Variants in TMTC2 observed in about 807,000 individuals in gnomAD.
The protein encoded by TMTC2 is transmembrane O-mannosyltransferase targeting cadherins 2.
A neutral mutation model predicts 82.4 loss-of-function variants in TMTC2; 43 were observed. The observed-to-expected ratio is 0.52, with a 90% CI of 0.41 to 0.67. TMTC2 has a LOEUF of 0.67. Ranked by LOEUF, TMTC2 falls within the 30% of genes least tolerant of loss-of-function variation. The pLI is 0.00. For missense variants in TMTC2, 919 were observed against 1,012.4 expected, an observed-to-expected ratio of 0.91 and a Z score of 1.25; for synonymous variants, 408 against 381.9, an observed-to-expected ratio of 1.07 and a Z score of -0.80.
chr12:82,730,043 A>T (rs1253059166), intron 1 of TMTC2, among the ~76,000 whole-genome samples: 3 of 152,152 alleles, frequency 2.0e-5, no homozygotes, highest in Non-Finnish European at 2.9e-5. Flanking sequence ...ATATCTGAAC[A>T]TCAGAAGGAA....
At chr12:83,106,719 A>G (rs997088632) in intron 11 of TMTC2, among the ~76,000 whole-genome samples, 8 of 152,222 alleles carry the variant, frequency 5.3e-5, no homozygotes, top group African/African-American at 1.9e-4. Flanking sequence ...CAACAGTGAA[A>G]GATAGAAGAC....
At chr12:82,749,884 T>C (rs1439987383) in intron 1 of TMTC2, among the ~76,000 whole-genome samples, 1 of 151,940 alleles carries the variant, frequency 6.6e-6, no homozygotes, top group Non-Finnish European at 1.5e-5. Context: ...ATTACAGGCA[T>C]GCACCACCAC....
intron 8 of TMTC2, among the ~76,000 whole-genome samples, chr12:83,022,404 C>A (rs963688398): frequency 7.6e-6 from 1 of 130,850 alleles, no homozygotes; most frequent in Non-Finnish European, 1.6e-5. Context: ...CTCTCTTCCG[C>A]ATTATTTTTC....
chr12:82,728,347 GT>G (rs201947047), intron 1 of TMTC2, among the ~76,000 whole-genome samples: 9 of 151,126 alleles, frequency 6.0e-5, no homozygotes, highest in African/African-American at 9.7e-5. Context: ...TTATAAAAAG[GT>G]TTTTTTTTGT....
chr12:82,793,367 T>G (rs1262735389), intron 1 of TMTC2, among the ~76,000 whole-genome samples: 3 of 138,972 alleles, frequency 2.2e-5, no homozygotes, highest in African/African-American at 5.1e-5. Context: ...CAGTCTTTTT[T>G]CTTTTTTTTT....
At chr12:82,943,727 A>T (rs1796164) in intron 4 of TMTC2, among the ~76,000 whole-genome samples, 75 of 152,350 alleles carry the variant, frequency 4.9e-4, no homozygotes, top group Middle Eastern at 3.4e-3. Context: ...TCTTTTGAGT[A>T]TATTTATAAA....
At chr12:82,736,913 T>G (rs1009820583) in intron 1 of TMTC2, among the ~76,000 whole-genome samples, 9 of 152,204 alleles carry the variant, frequency 5.9e-5, no homozygotes, top group Non-Finnish European at 1.3e-4. Context: ...TTAATCCTTT[T>G]CTTCTGCCTT....
At chr12:83,122,302 C>T (rs1165256937) in intron 11 of TMTC2, among the ~76,000 whole-genome samples, 2 of 151,294 alleles carry the variant, frequency 1.3e-5, no homozygotes, top group East Asian at 3.9e-4. Context: ...GGAGTCTGCA[C>T]ACTAGATTCA....
intron 2 of TMTC2, 109 bp from the exon 3 acceptor site, chr12:82,895,709 C>A: frequency 1.0e-6 from 1 of 968,926 alleles, no homozygotes; most frequent in Non-Finnish European, 1.5e-6. Context: ...AGACATCATG[C>A]TGTGTTTTTA....
In TMTC2 at chr12:82,949,022, C is replaced by A. The variant is rs570083291; in HGVS notation, c.1599-16002C>A. Among the ~76,000 whole-genome samples the A allele has an allele frequency of 4.6e-5, 7 of 152,284 alleles. No homozygotes were observed. The South Asian group carries it at 1.4e-3, about 32-fold the overall frequency. On this transcript the variant is annotated intron_variant, in intron 4 of 11. Transcript: ENST00000321196. Reference sequence around the variant, plus strand: ...TTTATCTTTTCTAATCATTAAACCTCCATAATGGTACTTTCAAAATATGTT... The same window carrying A: ...TTTATCTTTTCTAATCATTAAACCTACATAATGGTACTTTCAAAATATGTT...
At chr12:83,079,071 T>G (rs1883379224) in intron 11 of TMTC2, among the ~76,000 whole-genome samples, 1 of 152,092 alleles carries the variant, frequency 6.6e-6, no homozygotes, top group Admixed American at 6.5e-5. Flanking sequence ...TACAAAAAAT[T>G]AATTGCTTAG....
chr12:82,725,293 C>G (rs535781297), intron 1 of TMTC2, among the ~76,000 whole-genome samples: 1 of 152,082 alleles, frequency 6.6e-6, no homozygotes, highest in Non-Finnish European at 1.5e-5. Context: ...GACCCAGTCA[C>G]TTTTCTAGAC....
intron 2 of TMTC2, among the ~76,000 whole-genome samples, chr12:82,869,794 G>T (rs767869594): frequency 6.6e-6 from 1 of 151,058 alleles, no homozygotes; most frequent in Admixed American, 6.6e-5. Context: ...AGCCATGATT[G>T]CACCACTGTA....
intron 2 of TMTC2, among the ~76,000 whole-genome samples, chr12:82,882,869 A>C (rs1227742479): frequency 3.9e-5 from 6 of 152,036 alleles, no homozygotes. Flanking sequence ...CAGCCTGATC[A>C]ACATCGTGAA....
At chr12:82,721,624 AACTG>A (rs1874211205) in intron 1 of TMTC2, among the ~76,000 whole-genome samples, 1 of 152,192 alleles carries the variant, frequency 6.6e-6, no homozygotes, top group African/African-American at 2.4e-5. Context: ...GTAAGAGCAT[AACTG>A]ACTAATTTAG....
intron 1 of TMTC2, among the ~76,000 whole-genome samples, chr12:82,785,368 C>G (rs1045276955): frequency 2.3e-5 from 3 of 130,924 alleles, no homozygotes; most frequent in Non-Finnish European, 4.9e-5. Flanking sequence ...CCCCCCCCGT[C>G]CCCCCCAAAC....
intron 7 of TMTC2, among the ~76,000 whole-genome samples, chr12:82,968,485 T>C (rs1263842044): frequency 3.3e-5 from 5 of 152,160 alleles, no homozygotes; most frequent in Non-Finnish European, 2.9e-5. Context: ...TTTCTCTAGC[T>C]TTGGTTTAAC....
chr12:82,752,667 TA>T (rs759492265), intron 1 of TMTC2, among the ~76,000 whole-genome samples: 3 of 151,632 alleles, frequency 2.0e-5, no homozygotes, highest in Non-Finnish European at 4.4e-5. Flanking sequence ...AATAGGCCTA[TA>T]TAGCTGCATA....
At chr12:82,825,548 GCTTC>G (rs1277197606) in intron 1 of TMTC2, among the ~76,000 whole-genome samples, 1 of 151,998 alleles carries the variant, frequency 6.6e-6, no homozygotes, top group African/African-American at 2.4e-5. Flanking sequence ...ATAGGTAATT[GCTTC>G]CTTTTCTAAT....
Sources: gnomAD v4.1 joint callset for allele counts (sites outside exome capture counted in the v4.1 genomes callset) on GRCh38, gnomAD v4.1.1 for gene constraint, MANE v1.5 for transcripts, NCBI Gene and HGNC (gene_info 2026-07-23, HGNC 2026-07-21) for gene names.